Variants in PLAAT5 observed in about 807,000 individuals in gnomAD.
The protein encoded by PLAAT5 is Ca(2+)-independent N-acyltransferase.
PLAAT5 carries 27 observed loss-of-function variants against 27.8 expected under a neutral mutation model. That is an observed-to-expected ratio of 0.97 (90% CI 0.72 to 1.34). PLAAT5 has a LOEUF of 1.34. Among genes scored for constraint, PLAAT5 ranks in the 40% most tolerant of loss-of-function variants. The pLI is 0.00. For missense variants in PLAAT5, 368 were observed against 343.8 expected (o/e 1.07, Z -0.56); for synonymous variants, 125 against 136.1 (o/e 0.92, Z 0.57).
intron 3 of PLAAT5, chr11:63,469,534 A>G (rs2015965047): frequency 4.2e-6 from 1 of 237,850 alleles, no homozygotes; most frequent in Non-Finnish European, 9.5e-6. Flanking sequence ...ATTCATTCCC[A>G]AAAGTGATAC....
chr11:63,491,148 G>A lies in PLAAT5; in HGVS notation c.-114C>T, dbSNP rs900094773. 1.7e-5 allele frequency: 16 copies of A among 962,978 alleles called. No individual in the cohort carries two copies. The highest frequency in any genetic ancestry group is 3.6e-4 in the Middle Eastern group (1 of 2,788). 59.7% of individuals were successfully genotyped at this position (962,978 alleles called of 1,614,324 possible). A position where few individuals can be genotyped will look rare whatever the true frequency, so the allele number is the denominator to read the frequency against. ...AGCCGCGGAAGCTTGGGCACTGGGG[G>A]CGGCTCGGGGAGGAACCGCGGAGGG... On this transcript the variant is annotated 5_prime_UTR_variant, in exon 1 of 6. Coordinates refer to ENST00000540857, the MANE Select transcript of PLAAT5 (RefSeq NM_001146729.2).
intron 3 of PLAAT5, among the ~76,000 whole-genome samples, chr11:63,483,820 TATATATATATATATATATATATACAC>T (rs2016361087): frequency 1.1e-5 from 1 of 88,064 alleles, no homozygotes; most frequent in African/African-American, 7.0e-5. Flanking sequence ...TATATATATA[TATATATATATATATATATATATACAC>T]ATATATATAT....
At position 63,491,048 on chromosome 11, in the gene PLAAT5, C is replaced by T. The variant is rs960164743; in HGVS notation, c.-14G>A. On this transcript the variant is annotated 5_prime_UTR_variant, in exon 1 of 6. Transcript: ENST00000540857. ...GCTCAGGCCCATCCCGCCTCTGCGG[C>T]CTCGCCGGCCCCCAGGCCTTGCAGG... The T allele has an allele frequency of 9.1e-6, 13 of 1,424,536 alleles. No homozygotes were observed. Among genetic ancestry groups the T allele is most frequent in the South Asian group, 1.5e-5 (1 of 67,152 alleles). 88.2% of individuals were successfully genotyped at this position (1,424,536 alleles called of 1,614,324 possible). A position where few individuals can be genotyped will look rare whatever the true frequency, so the allele number is the denominator to read the frequency against.
chr11:63,473,034 C>T (rs111313230), intron 3 of PLAAT5, among the ~76,000 whole-genome samples: 2 of 152,022 alleles, frequency 1.3e-5, no homozygotes, highest in African/African-American at 2.4e-5. Flanking sequence ...CGCTTGAATC[C>T]GGGAGGCAGA....
intron 5 of PLAAT5, 43 bp from the exon 6 acceptor site, chr11:63,463,638 A>T (rs962254334): frequency 1.3e-6 from 2 of 1,517,598 alleles, no homozygotes; most frequent in Admixed American, 1.7e-5. Flanking sequence ...TACCAATCCT[A>T]GGCTTGCACC....
chr11:63,483,826 TA>T (rs1565215360), intron 3 of PLAAT5, among the ~76,000 whole-genome samples: 1 of 110,426 alleles, frequency 9.1e-6, no homozygotes, highest in Non-Finnish European at 1.9e-5. Flanking sequence ...TATATATATA[TA>T]TATATATATA....
chr11:63,461,984 A>G lies in PLAAT5; in HGVS notation c.*1519T>C, dbSNP rs1021379303. ...TCTTTCTGTCCCAAACATAAGCAAGAGATGGATGAGTCCTCTGTGCAGAAG... is the reference window on the plus strand; with the variant it reads ...TCTTTCTGTCCCAAACATAAGCAAGGGATGGATGAGTCCTCTGTGCAGAAG... On this transcript the variant is annotated 3_prime_UTR_variant, in exon 6 of 6. Transcript: ENST00000540857. 6.6e-6 allele frequency: 1 copy of G among 152,212 alleles called. No homozygotes were observed. The highest frequency in any genetic ancestry group is 1.5e-5 in the Non-Finnish European group (1 of 68,046). 9.4% of individuals were successfully genotyped at this position (152,212 alleles called of 1,614,324 possible).
chr11:63,471,520 A>G (rs1184692393), intron 3 of PLAAT5, among the ~76,000 whole-genome samples: 4 of 152,162 alleles, frequency 2.6e-5, no homozygotes, highest in African/African-American at 9.7e-5. Context: ...TTAGTTGGGC[A>G]TTATTTATGA....
At position 63,469,145 on chromosome 11, in the gene PLAAT5, T is replaced by TGTGTGTGTGTGAGA. The variant is rs377110717; in HGVS notation, c.346-681_346-680insTCTCACACACACAC. Among the ~76,000 whole-genome samples, 605 of 122,732 alleles carry TGTGTGTGTGTGAGA rather than the reference T, an allele frequency of 4.9e-3. 10 individuals carry two copies. The highest frequency in any genetic ancestry group is 0.017 in the African/African-American group (579 of 33,660). The allele number at this position is 122,732 out of a possible 152,430, so 80.5% of individuals were successfully genotyped here. ...GTGTGTGTGTGTGTGTGTGTGTGTGTGAGAGAGAGAGAGAGACAGGTAGAG... is the reference window on the plus strand; with the variant it reads ...GTGTGTGTGTGTGTGTGTGTGTGTGTGTGTGTGTGTGAGAGAGAGAGAGAGAGAGACAGGTAGAG... On this transcript the variant is annotated intron_variant, in intron 3 of 5. Transcript: ENST00000540857.
chr11:63,475,098 A>G (rs988598574), intron 3 of PLAAT5, among the ~76,000 whole-genome samples: 1 of 152,076 alleles, frequency 6.6e-6, no homozygotes, highest in African/African-American at 2.4e-5. Flanking sequence ...GAAAACACTC[A>G]TGTGTGCTAG....
rs930612012 is a variant in PLAAT5, at chr11:63,471,999, G to A, written c.346-3534C>T. Among the ~76,000 whole-genome samples the A allele has an allele frequency of 4.6e-5, 7 of 152,238 alleles. No homozygotes were observed. The East Asian group carries it at 5.8e-4, about 13-fold the overall frequency. On this transcript the variant is annotated intron_variant, in intron 3 of 5. Transcript: ENST00000540857. ...AATGGGAGCTGAATGATGAGAACACGTGGACACACAGGAAGGGGAACAACA... is the reference window on the plus strand; with the variant it reads ...AATGGGAGCTGAATGATGAGAACACATGGACACACAGGAAGGGGAACAACA...
Position 63,490,507 on chromosome 11 carries a change from C to G in PLAAT5, c.149-174G>C, listed in dbSNP as rs1255638324. On this transcript the variant is annotated intron_variant, in intron 1 of 5. Transcript: ENST00000540857. ...AGGGTTGTGGAACTAGGTGCTGGAG[C>G]GGGTTCAGTTCCTCTGCCAAAGAGA... The G allele has an allele frequency of 5.0e-6, 5 of 995,928 alleles. No homozygotes were observed. The East Asian group carries it at 1.2e-4, about 24-fold the overall frequency. The allele number at this position is 995,928 out of a possible 1,614,324, so 61.7% of individuals were successfully genotyped here.
Position 63,488,916 on chromosome 11 carries a change from A to AATTG in PLAAT5, c.296_299dup (p.Pro101AsnfsTer5). Reference sequence around the variant, plus strand: ...ACTTGCCTTCATTCTCAGGCTTTGGAATTGAACTCCAGTCTGCTTTCTGGC... The same window carrying AATTG: ...ACTTGCCTTCATTCTCAGGCTTTGGAATTGATTGAACTCCAGTCTGCTTTCTGGC... On this transcript the variant is annotated frameshift_variant, in exon 3 of 6. Coordinates refer to ENST00000540857, the MANE Select transcript of PLAAT5 (RefSeq NM_001146729.2). LOFTEE classifies it high-confidence loss of function. 6.2e-7 allele frequency: 1 copy of AATTG among 1,613,778 alleles called. No individual in the cohort carries two copies. Among genetic ancestry groups the AATTG allele is most frequent in the Non-Finnish European group, 8.5e-7 (1 of 1,179,812 alleles).
At chr11:63,468,492 G>A (rs927103021) in intron 3 of PLAAT5, 27 bp from the exon 4 acceptor site, 1 of 1,547,192 alleles carries the variant, frequency 6.5e-7, no homozygotes, top group South Asian at 1.1e-5. Context: ...AAAGATAAAT[G>A]GCACATGCTC....
intron 3 of PLAAT5, chr11:63,470,569 G>A (rs1297107097): frequency 6.5e-6 from 1 of 154,834 alleles, no homozygotes; most frequent in Admixed American, 6.5e-5. Flanking sequence ...AGTTATACTG[G>A]TGAGAAATCC....
At chr11:63,470,183 T>C (rs1482261322) in intron 3 of PLAAT5, 1 of 158,106 alleles carries the variant, frequency 6.3e-6, no homozygotes, top group African/African-American at 2.4e-5. Flanking sequence ...CTTACAGATG[T>C]GAATAATGTG....
At chr11:63,468,575 C>T (rs1303883320) in intron 3 of PLAAT5, 110 bp from the exon 4 acceptor site, 1 of 749,348 alleles carries the variant, frequency 1.3e-6, no homozygotes, top group African/African-American at 1.8e-5. Context: ...TGGTTCATCA[C>T]TTCACAGAAA....
chr11:63,464,571 G>T (rs760246987), intron 5 of PLAAT5, among the ~76,000 whole-genome samples: 9 of 152,068 alleles, frequency 5.9e-5, no homozygotes, highest in Non-Finnish European at 1.0e-4. Context: ...CAGGAGAACC[G>T]CTTGAACCTG....
intron 3 of PLAAT5, among the ~76,000 whole-genome samples, chr11:63,487,114 A>C (rs1004930602): frequency 6.6e-6 from 1 of 152,206 alleles, no homozygotes; most frequent in Non-Finnish European, 1.5e-5. Context: ...GGAAAAGCTG[A>C]CACATTGGAC....
Sources: allele counts gnomAD v4.1 joint callset (sites outside exome capture counted in the v4.1 genomes callset), GRCh38; gene constraint gnomAD v4.1.1; transcripts MANE v1.5; gene names NCBI Gene and HGNC (gene_info 2026-07-23, HGNC 2026-07-21).